MTUS2: variants seen among roughly 807,000 people sequenced by gnomAD.
MTUS2 encodes the protein microtubule-associated tumor suppressor candidate 2.
A neutral mutation model predicts 114.1 loss-of-function variants in MTUS2; 40 were observed. The ratio of observed to expected loss-of-function variants is 0.35; its 90% CI spans 0.27 to 0.46. The LOEUF (loss-of-function observed/expected upper bound fraction) is 0.46, where lower values mean the gene tolerates loss of function less well. Ranked by LOEUF, MTUS2 falls within the 20% of genes least tolerant of loss-of-function variation. The pLI, the probability that MTUS2 is intolerant of heterozygous loss-of-function variation, is 1.00. For missense variants in MTUS2, 1,679 were observed against 1,705.4 expected, an observed-to-expected ratio of 0.98 and a Z score of 0.27; for synonymous variants, 688 against 672.0, an observed-to-expected ratio of 1.02 and a Z score of -0.37.
intron 4 of MTUS2, among the ~76,000 whole-genome samples, chr13:29,036,086 G>A (rs4768994): frequency 0.44 from 65,294 of 147,868 alleles, 14,714 homozygotes; most frequent in Admixed American, 0.49. Context: ...AGAGGCTACA[G>A]TGAGCCGAGA....
chr13:29,402,645 C>A (rs1874431154), intron 8 of MTUS2, among the ~76,000 whole-genome samples: 1 of 152,136 alleles, frequency 6.6e-6, no homozygotes, highest in East Asian at 1.9e-4. Context: ...ATTAAGTTGC[C>A]AGAGCTATTT....
At chr13:29,278,638 T>C (rs1178701330) in intron 5 of MTUS2, among the ~76,000 whole-genome samples, 1 of 152,222 alleles carries the variant, frequency 6.6e-6, no homozygotes, top group African/African-American at 2.4e-5. Flanking sequence ...CTCTGGTTAA[T>C]GTGAATCGCA....
At chr13:29,373,972 A>G (rs1403114289) in intron 8 of MTUS2, among the ~76,000 whole-genome samples, 1 of 152,364 alleles carries the variant, frequency 6.6e-6, no homozygotes, top group Non-Finnish European at 1.5e-5. Context: ...TTCAGGAAGT[A>G]CAAGCAGTTA....
intron 8 of MTUS2, among the ~76,000 whole-genome samples, chr13:29,433,944 C>T (rs113559274): frequency 1.1e-3 from 171 of 152,206 alleles, no homozygotes; most frequent in African/African-American, 3.9e-3. Context: ...TTCTATAGCT[C>T]TCTTATTTAA....
chr13:29,039,334 T>G (rs988325138), intron 4 of MTUS2, among the ~76,000 whole-genome samples: 7 of 152,206 alleles, frequency 4.6e-5, no homozygotes, highest in African/African-American at 1.7e-4. Flanking sequence ...TGGGGCCAAG[T>G]GTGCAGAGCT....
At chr13:29,426,282 C>T (rs1003484817) in intron 8 of MTUS2, among the ~76,000 whole-genome samples, 4 of 152,242 alleles carry the variant, frequency 2.6e-5, no homozygotes, top group Admixed American at 6.5e-5. Context: ...ACATGATCCT[C>T]AACTTACAAC....
chr13:28,906,416 A>C (rs1262990693), intron 2 of MTUS2, among the ~76,000 whole-genome samples: 1 of 150,942 alleles, frequency 6.6e-6, no homozygotes, highest in South Asian at 2.1e-4. Context: ...CCCTCTACAC[A>C]CTGCTTTGAA....
chr13:29,502,409 T>TAA lies in MTUS2; in HGVS notation c.3897-584_3897-583insAA, dbSNP rs1209942344. ...TACGTGCCTAGCACCAGCTGGATGC[T>TAA]GGGAGTTCAGCATGCAGAGCCTTGG... On this transcript the variant is annotated intron_variant, in intron 15 of 15. Coordinates refer to ENST00000612955, the MANE Select transcript of MTUS2 (RefSeq NM_001033602.4). Among the ~76,000 whole-genome samples, 161 of 152,386 alleles carry TAA rather than the reference T, an allele frequency of 1.1e-3. 1 individual carries two copies. Among genetic ancestry groups the TAA allele is most frequent in the African/African-American group, 3.8e-3 (157 of 41,594 alleles).
intron 2 of MTUS2, among the ~76,000 whole-genome samples, chr13:28,871,722 A>T (rs549845183): frequency 6.6e-6 from 1 of 152,352 alleles, no homozygotes; most frequent in Non-Finnish European, 1.5e-5. Context: ...AAGAAAGTAC[A>T]GCAGGATAAG....
rs1295740040 is a variant in MTUS2 at position 29,504,406 on chromosome 13, C to T, written c.*1200C>T. On this transcript the variant is annotated 3_prime_UTR_variant, in exon 16 of 16. Transcript: ENST00000612955. ...CAGGGGCTTCCAGAAAAAAAAAACA[C>T]CATTTCTGTCCCGGGGGACCAGTTC... 4.3e-6 allele frequency: 1 copy of T among 231,804 alleles called. No individual in the cohort carries two copies. The highest frequency in any genetic ancestry group is 5.6e-5 in the Admixed American group (1 of 17,702). 14.4% of individuals were successfully genotyped at this position (231,804 alleles called of 1,614,324 possible).
chr13:28,830,362 G>A (rs1593228676), intron 1 of MTUS2, among the ~76,000 whole-genome samples: 1 of 152,134 alleles, frequency 6.6e-6, no homozygotes, highest in South Asian at 2.1e-4. Flanking sequence ...TATTATAAAT[G>A]TGTTCGAAGA....
chr13:28,946,955 A>G lies in MTUS2; in HGVS notation c.-242-77502A>G, dbSNP rs118057023. 8.9e-3 allele frequency among the ~76,000 whole-genome samples: 1,349 copies of G among 152,242 alleles called. 11 individuals are homozygous for G. The highest frequency in any genetic ancestry group is 0.014 in the Non-Finnish European group (956 of 68,020). On this transcript the variant is annotated intron_variant, in intron 2 of 15. Transcript: ENST00000612955. ...CTTTAGCATTCCCAAAGCACCTTTC[A>G]TATTTCGTATATGATGCTTACAACA...
rs542512534 is a variant in MTUS2, at chr13:29,286,835, C to T, written c.2806+4970C>T. ...CCTCCTGAGTAGCTGTGATTACAGG[C>T]GTGTACCACCACACCGGGCTAATTT... is the stretch of plus-strand genomic sequence containing the variant. On this transcript the variant is annotated intron_variant, in intron 6 of 15. Transcript: ENST00000612955. Among the ~76,000 whole-genome samples the T allele has an allele frequency of 1.6e-4, 24 of 152,238 alleles. No individual in the cohort carries two copies. In the East Asian group the frequency reaches 2.5e-3, roughly 16 times the overall value.
intron 15 of MTUS2, among the ~76,000 whole-genome samples, chr13:29,501,976 T>C (rs1882945741): frequency 1.3e-5 from 2 of 152,232 alleles, no homozygotes; most frequent in African/African-American, 4.8e-5. Context: ...ACGTGCATGC[T>C]TTTCTTCACA....
chr13:29,156,903 T>C (rs1215111701), intron 5 of MTUS2, among the ~76,000 whole-genome samples: 1 of 152,184 alleles, frequency 6.6e-6, no homozygotes, highest in Non-Finnish European at 1.5e-5. Context: ...ATTCTGTGCC[T>C]GCTGTGAAAC....
intron 6 of MTUS2, among the ~76,000 whole-genome samples, chr13:29,322,315 C>T (rs952975260): frequency 1.3e-5 from 2 of 152,010 alleles, no homozygotes; most frequent in African/African-American, 4.8e-5. Context: ...AAATCAAAGC[C>T]AAGTGAAGGA....
At chr13:29,089,491 G>A (rs982295238) in intron 4 of MTUS2, among the ~76,000 whole-genome samples, 1 of 152,136 alleles carries the variant, frequency 6.6e-6, no homozygotes, top group Non-Finnish European at 1.5e-5. Flanking sequence ...GGATTTATAT[G>A]TCAACCTCTC....
At chr13:29,160,818 G>A (rs1893064118) in intron 5 of MTUS2, among the ~76,000 whole-genome samples, 1 of 152,058 alleles carries the variant, frequency 6.6e-6, no homozygotes, top group South Asian at 2.1e-4. Flanking sequence ...CGTTGGGGTT[G>A]GCATCCCCCG....
chr13:29,268,644 A>G (rs1897758592), intron 5 of MTUS2, among the ~76,000 whole-genome samples: 1 of 151,866 alleles, frequency 6.6e-6, no homozygotes, highest in Non-Finnish European at 1.5e-5. Flanking sequence ...AGGTCACAAC[A>G]TCTACCCCAC....
Sources: gnomAD v4.1 joint callset for allele counts (sites outside exome capture counted in the v4.1 genomes callset) on GRCh38, gnomAD v4.1.1 for gene constraint, MANE v1.5 for transcripts, NCBI Gene and HGNC (gene_info 2026-07-23, HGNC 2026-07-21) for gene names.